TAOK3: variants seen among roughly 807,000 people sequenced by gnomAD.
The protein encoded by TAOK3 is TAO kinase 3, also known as serine/threonine-protein kinase TAO3.
In TAOK3, 40 loss-of-function variants were observed where a neutral mutation model predicts 120.4. The observed-to-expected ratio is 0.33, with a 90% CI of 0.26 to 0.43. The LOEUF is 0.43. Ranked by LOEUF, TAOK3 falls within the 20% of genes least tolerant of loss-of-function variation. The pLI is 1.00. For synonymous variants in TAOK3, 355 were observed against 387.5 expected (o/e 0.92, Z 0.99); for missense variants, 821 against 1,112.1 (o/e 0.74, Z 3.72).
chr12:118,230,891 G>A (rs2039750017), intron 9 of TAOK3, among the ~76,000 whole-genome samples: 2 of 152,014 alleles, frequency 1.3e-5, no homozygotes, highest in African/African-American at 4.8e-5. Flanking sequence ...ATTTCCTTTG[G>A]AGTGAAATAA....
intron 1 of TAOK3, among the ~76,000 whole-genome samples, chr12:118,365,315 C>T (rs1004129671): frequency 6.6e-6 from 1 of 152,130 alleles, no homozygotes; most frequent in Non-Finnish European, 1.5e-5. Flanking sequence ...CTCATGCAAC[C>T]TCCATCTCCC....
intron 3 of TAOK3, among the ~76,000 whole-genome samples, chr12:118,253,656 G>C (rs1404854948): frequency 6.6e-6 from 1 of 151,920 alleles, no homozygotes; most frequent in Non-Finnish European, 1.5e-5. Context: ...AGAATTGCTT[G>C]AACCCGGGAG....
chr12:118,359,146 T>G (rs746421565), intron 1 of TAOK3: 4 of 152,202 alleles, frequency 2.6e-5, no homozygotes, highest in Non-Finnish European at 5.9e-5. Flanking sequence ...ACACTTAGTT[T>G]TTTAAGTGAG....
intron 11 of TAOK3, among the ~76,000 whole-genome samples, chr12:118,206,012 T>C (rs1429907659): frequency 6.6e-6 from 1 of 151,978 alleles, no homozygotes; most frequent in Non-Finnish European, 1.5e-5. Flanking sequence ...GATCACTAAG[T>C]GACTAAGTTC....
chr12:118,247,807 T>C (rs1475207002), intron 3 of TAOK3, among the ~76,000 whole-genome samples: 1 of 152,128 alleles, frequency 6.6e-6, no homozygotes, highest in Admixed American at 6.6e-5. Flanking sequence ...GAGCTACTGC[T>C]CCCAGCCTCA....
intron 11 of TAOK3, among the ~76,000 whole-genome samples, chr12:118,212,363 C>T (rs749528885): frequency 6.6e-6 from 1 of 152,182 alleles, no homozygotes; most frequent in Non-Finnish European, 1.5e-5. Context: ...ATAAAGTCTA[C>T]AGTAAAATAT....
chr12:118,324,837 C>T (rs1053819157), intron 1 of TAOK3, among the ~76,000 whole-genome samples: 1 of 148,388 alleles, frequency 6.7e-6, no homozygotes, highest in Non-Finnish European at 1.5e-5. Context: ...TTCTGCCTCC[C>T]GGGTTCACGC....
rs374367372 is a variant in TAOK3, at chr12:118,190,739, G to T, written c.1195-798C>A. 2.1e-4 allele frequency among the ~76,000 whole-genome samples: 32 copies of T among 152,258 alleles called. No individual in the cohort carries two copies. In the East Asian group the frequency reaches 5.6e-3, roughly 27 times the overall value. On this transcript the variant is annotated intron_variant, in intron 13 of 20. Coordinates refer to ENST00000392533, the MANE Select transcript of TAOK3 (RefSeq NM_016281.4). ...TTGATAGGCAAAGATAATTAATCTT[G>T]TTCTAACGTCCAGTGAAAAAATAGC...
chr12:118,372,704 C>T lies in TAOK3; in HGVS notation c.-250G>A, dbSNP rs2045938851. ...GCGCCGCCGCCGCCGCTTCCTCTCC[C>T]ACACTTGTTCCTGAGTCGCTCTCCT... On this transcript the variant is annotated 5_prime_UTR_variant, in exon 1 of 21. Transcript: ENST00000392533. The surrounding 1 kb of genome is among the most constrained non-coding windows in gnomAD (Gnocchi z 4.6). 6.4e-6 allele frequency: 1 copy of T among 157,208 alleles called. No homozygotes were observed. The allele number at this position is 157,208 out of a possible 1,614,324, so 9.7% of individuals were successfully genotyped here.
intron 17 of TAOK3, among the ~76,000 whole-genome samples, chr12:118,168,921 A>G (rs574779849): frequency 2.0e-5 from 3 of 152,116 alleles, no homozygotes; most frequent in African/African-American, 4.8e-5. Flanking sequence ...ACTTCTGACA[A>G]ACTCAAAATG....
chr12:118,315,758 T>C (rs1235568741), intron 1 of TAOK3, among the ~76,000 whole-genome samples: 1 of 152,190 alleles, frequency 6.6e-6, no homozygotes, highest in Admixed American at 6.5e-5. Context: ...TGAATAATTA[T>C]TTGAAGTAAT....
chr12:118,343,155 C>T (rs1008945155), intron 1 of TAOK3, among the ~76,000 whole-genome samples: 1 of 151,658 alleles, frequency 6.6e-6, no homozygotes, highest in African/African-American at 2.4e-5. Context: ...TGGCCAGGTG[C>T]GGTGGCTCAT....
At chr12:118,344,677 A>T (rs1451137196) in intron 1 of TAOK3, among the ~76,000 whole-genome samples, 3 of 152,214 alleles carry the variant, frequency 2.0e-5, no homozygotes, top group Non-Finnish European at 1.5e-5. Flanking sequence ...AGAAGTAAAA[A>T]AAATAAATAA....
intron 9 of TAOK3, among the ~76,000 whole-genome samples, chr12:118,228,462 T>C (rs907892236): frequency 1.8e-4 from 27 of 152,122 alleles, no homozygotes; most frequent in Admixed American, 5.9e-4. Flanking sequence ...AGTATATATA[T>C]AGTTTTAACA....
intron 14 of TAOK3, 36 bp from the exon 15 acceptor site, chr12:118,181,643 G>C (rs772950887): frequency 5.7e-6 from 9 of 1,580,106 alleles, no homozygotes; most frequent in Non-Finnish European, 6.9e-6. Flanking sequence ...CAGGTAACCA[G>C]GTTCATGGGA....
At chr12:118,364,446 G>T (rs997091340) in intron 1 of TAOK3, among the ~76,000 whole-genome samples, 12 of 152,002 alleles carry the variant, frequency 7.9e-5, no homozygotes, top group Admixed American at 6.6e-5. Flanking sequence ...GGTTTACCAT[G>T]GTCTCTGTGA....
chr12:118,160,237 A>G lies in TAOK3; in HGVS notation c.2261T>C (p.Leu754Ser), dbSNP rs1358753549. 4 of 1,614,058 alleles carry G rather than the reference A, an allele frequency of 2.5e-6. No homozygotes were observed. In the African/African-American group the frequency reaches 5.3e-5, roughly 22 times the overall value. ...TGTCTGCTCATCTTTCAGTGTCTTTAAGATTGTTTTGTGCTCATTCTTTGG... is the reference window on the plus strand; with the variant it reads ...TGTCTGCTCATCTTTCAGTGTCTTTGAGATTGTTTTGTGCTCATTCTTTGG... ...VTPKNEHKTI[L>S]KTLKDEQTRK... The change falls in exon 19 of 21, where the codon TTA becomes TCA. Residue 754 changes from leucine to serine, a missense_variant. Leu to Ser is a moderately radical substitution (Grantham distance 145). Transcript: ENST00000392533. This position sits in a 1 kb window ranked among gnomAD's most constrained non-coding sequence, Gnocchi z 4.2.
intron 1 of TAOK3, among the ~76,000 whole-genome samples, chr12:118,315,958 C>T (rs1474318989): frequency 6.6e-6 from 1 of 152,150 alleles, no homozygotes; most frequent in East Asian, 1.9e-4. Context: ...GGACTCAAGA[C>T]AGCTTGGTTG....
intron 9 of TAOK3, among the ~76,000 whole-genome samples, chr12:118,227,597 C>T (rs908041508): frequency 6.6e-6 from 1 of 152,146 alleles, no homozygotes; most frequent in Admixed American, 6.6e-5. Context: ...TTATTGAAGC[C>T]TGTAAATATC....
Sources: allele counts gnomAD v4.1 joint callset (sites outside exome capture counted in the v4.1 genomes callset), GRCh38; gene constraint gnomAD v4.1.1; non-coding constraint Gnocchi (gnomAD v3.1); transcripts MANE v1.5; gene names NCBI Gene and HGNC (gene_info 2026-07-23, HGNC 2026-07-21).